CRHR2: variants seen among roughly 807,000 people sequenced by gnomAD.
CRHR2 encodes corticotropin-releasing hormone receptor 2.
Under a neutral mutation model 57.9 loss-of-function variants are expected in CRHR2, and 53 were observed. That is an observed-to-expected ratio of 0.92 (90% CI 0.73 to 1.15). CRHR2 has a LOEUF of 1.15. Ranked by LOEUF, CRHR2 falls within the 50% of genes most tolerant of loss-of-function variation. CRHR2 has a pLI of 0.00. For missense variants in CRHR2, 532 were observed against 542.6 expected (o/e 0.98, Z 0.19); for synonymous variants, 213 against 220.9 (o/e 0.96, Z 0.32).
upstream of CRHR2, among the ~76,000 whole-genome samples, chr7:30,684,742 C>T (rs754116970): frequency 3.9e-5 from 6 of 152,092 alleles, no homozygotes; most frequent in Non-Finnish European, 7.3e-5. Context: ...AGTTGTCATT[C>T]GAGATGTGAC....
chr7:30,661,479 C>T (rs182431370), intron 7 of CRHR2, among the ~76,000 whole-genome samples: 82 of 152,288 alleles, frequency 5.4e-4, no homozygotes, highest in South Asian at 1.5e-3. Context: ...TGTTGAGCTC[C>T]TGGAACTCTA....
At chr7:30,692,681 G>C (rs2128151379) in intron 1 of CRHR2, among the ~76,000 whole-genome samples, 1 of 152,290 alleles carries the variant, frequency 6.6e-6, no homozygotes, top group Non-Finnish European at 1.5e-5. Flanking sequence ...AGGAAGGGGA[G>C]GCTTCTTTCA....
chr7:30,672,774 A>G (rs1784406600), intron 2 of CRHR2, among the ~76,000 whole-genome samples: 2 of 152,208 alleles, frequency 1.3e-5, no homozygotes. Context: ...TGACTGTTCC[A>G]AGGGAAGCAA....
upstream of CRHR2, among the ~76,000 whole-genome samples, chr7:30,683,159 G>A (rs1784780058): frequency 1.3e-5 from 2 of 152,190 alleles, no homozygotes; most frequent in Non-Finnish European, 2.9e-5. Flanking sequence ...GAGTGACTGG[G>A]TGGCCATTTA....
intron 2 of CRHR2, among the ~76,000 whole-genome samples, chr7:30,688,230 CA>C (rs1291524614): frequency 6.6e-6 from 1 of 152,090 alleles, no homozygotes; most frequent in Non-Finnish European, 1.5e-5. Flanking sequence ...ATCTGCAAGC[CA>C]AGTAGGGAGG....
intron 2 of CRHR2, 70 bp downstream of exon 2, chr7:30,681,845 C>T (rs1006891947): frequency 4.4e-5 from 67 of 1,529,348 alleles, no homozygotes; most frequent in Admixed American, 1.1e-4. Flanking sequence ...GTCCGGAATC[C>T]TCTTTACTCC....
rs769739281 is a variant in CRHR2 at position 30,655,633 on chromosome 7, C to T, written c.1000G>A (p.Asp334Asn). 23 of 1,614,150 alleles carry T rather than the reference C, an allele frequency of 1.4e-5. No homozygotes were observed. Among genetic ancestry groups the T allele is most frequent in the Non-Finnish European group, 1.9e-5 (22 of 1,179,988 alleles). ...MLFFVNPGED[D>N]LSQIMFIYFN... The stretch of plus-strand genomic sequence containing the variant: ...TAGATGAACATGATCTGTGACAGGT[C>T]GTCCTCCCCGGGATTGACGAAGAAG... Residue 334 changes from aspartate (D) to asparagine (N), a missense_variant, in exon 10 of 12, where the codon GAC becomes AAC. Asp to Asn is a conservative substitution (Grantham distance 23). Transcript: ENST00000471646.
upstream of CRHR2, chr7:30,686,630 A>G (rs1784862842): frequency 1.0e-6 from 1 of 961,076 alleles, no homozygotes; most frequent in Non-Finnish European, 1.6e-6. Context: ...AAAAAATAAT[A>G]AAAAATAAAT....
Position 30,653,697 on chromosome 7 carries a change from C to T in CRHR2, c.1096-97G>A. The T allele has an allele frequency of 7.1e-7, 1 of 1,408,472 alleles. No homozygotes were observed. Among genetic ancestry groups the T allele is most frequent in the Non-Finnish European group, 9.4e-7 (1 of 1,063,320 alleles). 87.2% of individuals were successfully genotyped at this position (1,408,472 alleles called of 1,614,324 possible). On this transcript the variant is annotated intron_variant, in intron 11 of 11. Transcript: ENST00000471646. The surrounding 1 kb of genome is among the most constrained non-coding windows in gnomAD (Gnocchi z 5.0). ...GCTTTCTGCTCTCATGGGTCGACTGCCACCCTCATGACAAGGAACTGTCTG... is the reference window on the plus strand; with the variant it reads ...GCTTTCTGCTCTCATGGGTCGACTGTCACCCTCATGACAAGGAACTGTCTG...
At chr7:30,695,481 C>G (rs545538714) in intron 1 of CRHR2, among the ~76,000 whole-genome samples, 1 of 151,944 alleles carries the variant, frequency 6.6e-6, no homozygotes, top group Non-Finnish European at 1.5e-5. Context: ...TCCCTCTCCC[C>G]TCAGTCCTGC....
intron 2 of CRHR2, among the ~76,000 whole-genome samples, chr7:30,676,910 C>G (rs1233759420): frequency 6.6e-6 from 1 of 152,256 alleles, no homozygotes; most frequent in African/African-American, 2.4e-5. Context: ...TTCCCCTGTC[C>G]TGGCAGATGC....
At position 30,665,383 on chromosome 7, in the gene CRHR2, G is replaced by T; in HGVS notation, c.425+147C>A. Reference sequence around the variant, plus strand: ...CCCCACATGCCTGCTGGTGATTCATGCCCTGGCACCCCACCCAAACCCCAC... The same window carrying T: ...CCCCACATGCCTGCTGGTGATTCATTCCCTGGCACCCCACCCAAACCCCAC... On this transcript the variant is annotated intron_variant, in intron 4 of 11. Coordinates refer to ENST00000471646, the MANE Select transcript of CRHR2 (RefSeq NM_001883.5). This position sits in a 1 kb window ranked among gnomAD's most constrained non-coding sequence, Gnocchi z 4.5. 1 of 834,316 alleles carries T rather than the reference G, an allele frequency of 1.2e-6. No homozygotes were observed. The allele number at this position is 834,316 out of a possible 1,614,324, so 51.7% of individuals were successfully genotyped here.
intron 1 of CRHR2, chr7:30,697,860 GCCCT>G (rs1409887604): frequency 1.1e-4 from 17 of 152,460 alleles, no homozygotes; most frequent in African/African-American, 3.9e-4. Flanking sequence ...CCTGTCAAGG[GCCCT>G]CACACCTACA....
In CRHR2 at chr7:30,665,289, C is replaced by A; in HGVS notation, c.426-102G>T. 1 of 1,060,182 alleles carries A rather than the reference C, an allele frequency of 9.4e-7. No individual in the cohort carries two copies. The highest frequency in any genetic ancestry group is 2.5e-5 in the East Asian group (1 of 40,220). 65.7% of individuals were successfully genotyped at this position (1,060,182 alleles called of 1,614,324 possible). ...GACTCAGCCTGGGATGAGGGCAGGG[C>A]TGCACTAGGAGCCACTTCCCACCCA... On this transcript the variant is annotated intron_variant, in intron 4 of 11. Coordinates refer to ENST00000471646, the MANE Select transcript of CRHR2 (RefSeq NM_001883.5). The surrounding 1 kb of genome is among the most constrained non-coding windows in gnomAD (Gnocchi z 4.5).
chr7:30,698,570 C>A (rs1160146777), intron 1 of CRHR2, among the ~76,000 whole-genome samples: 3 of 152,148 alleles, frequency 2.0e-5, no homozygotes, highest in African/African-American at 7.2e-5. Context: ...TCACCCATCC[C>A]AATTGCAGTC....
At chr7:30,699,162 A>G (rs1348970365) in intron 1 of CRHR2, among the ~76,000 whole-genome samples, 1 of 152,124 alleles carries the variant, frequency 6.6e-6, no homozygotes, top group African/African-American at 2.4e-5. Context: ...CCCCATCTGT[A>G]AAATGGGGAG....
rs766004597 is a variant in CRHR2 at position 30,689,285 on chromosome 7, C to G, written c.-260-1G>C. 13 of 1,550,112 alleles carry G rather than the reference C, an allele frequency of 8.4e-6. No individual in the cohort carries two copies. The highest frequency in any genetic ancestry group is 1.1e-5 in the Non-Finnish European group (13 of 1,146,820). The stretch of plus-strand genomic sequence containing the variant: ...TGGGCATCTGGCTCTGCCCGGCTGC[C>G]TAGGGGACAGCAAGGATGAGGGTCA... On this transcript the variant is annotated splice_acceptor_variant, in intron 1 of 13. Coordinates refer to the CRHR2 transcript ENST00000341843. LOFTEE classifies it low-confidence loss of function (5UTR_SPLICE).
At chr7:30,685,668 G>T (rs1196255450), upstream of CRHR2, among the ~76,000 whole-genome samples, 1 of 152,098 alleles carries the variant, frequency 6.6e-6, no homozygotes, top group Non-Finnish European at 1.5e-5. Context: ...AAGCTGTGGG[G>T]ACAGAAAGGA....
At chr7:30,688,929 C>G (rs1472287081) in intron 2 of CRHR2, 1 of 590,764 alleles carries the variant, frequency 1.7e-6, no homozygotes. Flanking sequence ...AATGCCAGCC[C>G]AGCTGACTTC....
Sources: gnomAD v4.1 joint callset for allele counts (sites outside exome capture counted in the v4.1 genomes callset) on GRCh38, gnomAD v4.1.1 for gene constraint, Gnocchi (gnomAD v3.1) non-coding constraint, MANE v1.5 for transcripts, NCBI Gene and HGNC (gene_info 2026-07-23, HGNC 2026-07-21) for gene names.